Variants in NTN4 observed in about 807,000 individuals in gnomAD.
The protein encoded by NTN4 is netrin 4.
A neutral mutation model predicts 73.6 loss-of-function variants in NTN4; 32 were observed. That is an observed-to-expected ratio of 0.44 (90% confidence interval 0.33 to 0.58). NTN4 has a LOEUF of 0.58. Ranked by LOEUF, NTN4 falls within the 20% of genes least tolerant of loss-of-function variation. The pLI is 0.04. For missense variants in NTN4, 654 were observed against 798.3 expected (o/e 0.82, Z 2.18); for synonymous variants, 258 against 287.5 (o/e 0.90, Z 1.04).
At chr12:95,788,331 G>A (rs2079184240) in intron 1 of NTN4, among the ~76,000 whole-genome samples, 1 of 152,174 alleles carries the variant, frequency 6.6e-6, no homozygotes, top group Non-Finnish European at 1.5e-5. Flanking sequence ...TGAACTACAA[G>A]ACCTTCTTTA....
chr12:95,704,176 A>G (rs997961345), intron 5 of NTN4, among the ~76,000 whole-genome samples: 3 of 152,180 alleles, frequency 2.0e-5, no homozygotes, highest in African/African-American at 4.8e-5. Flanking sequence ...GATGATGCCA[A>G]TGCGGCTGGT....
intron 5 of NTN4, among the ~76,000 whole-genome samples, chr12:95,700,473 T>C (rs2078476218): frequency 6.6e-6 from 1 of 152,100 alleles, no homozygotes; most frequent in Admixed American, 6.5e-5. Flanking sequence ...TTTGAGTAAG[T>C]GCTCCCTGGT....
In NTN4 at chr12:95,665,869, C is replaced by T. The variant is rs267603725; in HGVS notation, c.1691G>A (p.Arg564Gln). 1.1e-5 allele frequency: 17 copies of T among 1,613,976 alleles called. No individual in the cohort carries two copies. The highest frequency in any genetic ancestry group is 9.9e-5 in the South Asian group (9 of 91,054). Residue 564 changes from arginine to glutamine, a missense_variant, in exon 9 of 10, where the codon CGA (arginine) becomes CAA (glutamine). By Grantham distance (43) the Arg-to-Gln change is conservative (BLOSUM62 1). Coordinates refer to ENST00000343702, the MANE Select transcript of NTN4 (RefSeq NM_021229.4). Reference sequence around the variant, plus strand: ...CGTCCATGATTCTGGATATAATGTTCGCTTTCCTCGGAAAATCTTCAGTTT... The same window carrying T: ...CGTCCATGATTCTGGATATAATGTTTGCTTTCCTCGGAAAATCTTCAGTTT... Reference protein sequence around the residue: ...STKLKIFRGKRTLYPESWTDR... With the variant: ...STKLKIFRGKQTLYPESWTDR...
intron 2 of NTN4, among the ~76,000 whole-genome samples, chr12:95,745,485 AATGGTC>A (rs2078855534): frequency 6.6e-6 from 1 of 152,148 alleles, no homozygotes; most frequent in Admixed American, 6.6e-5. Context: ...AATCTTCAAA[AATGGTC>A]ATTCAACTTT....
intron 3 of NTN4, among the ~76,000 whole-genome samples, chr12:95,723,322 G>A (rs530046187): frequency 2.6e-5 from 4 of 151,754 alleles, no homozygotes; most frequent in African/African-American, 7.2e-5. Flanking sequence ...GTGTGTTACC[G>A]CAGCACACCC....
chr12:95,765,839 C>T (rs531241528), intron 2 of NTN4, among the ~76,000 whole-genome samples: 2 of 152,140 alleles, frequency 1.3e-5, no homozygotes, highest in Admixed American at 6.5e-5. Flanking sequence ...AAGGAAGAAT[C>T]CAAGGCCCCT....
chr12:95,736,439 G>A lies in NTN4; in HGVS notation c.864+1427C>T, dbSNP rs111753733. On this transcript the variant is annotated intron_variant, in intron 3 of 9. Coordinates refer to ENST00000343702, the MANE Select transcript of NTN4 (RefSeq NM_021229.4). ...GCTTGGATTATAAGAGACAGTCGAG[G>A]AAACAAAAGATCTGCATGCTCTCCT... 4.7e-3 allele frequency among the ~76,000 whole-genome samples: 708 copies of A among 152,248 alleles called. 2 individuals carry two copies. The highest frequency in any genetic ancestry group is 7.2e-3 in the Non-Finnish European group (490 of 68,022).
Position 95,729,829 on chromosome 12 carries a change from C to T in NTN4, c.864+8037G>A, listed in dbSNP as rs181430563. 2.7e-3 allele frequency among the ~76,000 whole-genome samples: 418 copies of T among 152,186 alleles called. 2 individuals are homozygous for T. Among genetic ancestry groups the T allele is most frequent in the African/African-American group, 9.6e-3 (400 of 41,520 alleles). On this transcript the variant is annotated intron_variant, in intron 3 of 9. Coordinates refer to ENST00000343702, the MANE Select transcript of NTN4 (RefSeq NM_021229.4). ...AAATTGGCAAGACACAAATGAAATA[C>T]CATGGAGACACGATTTGTGCACCAG... is the stretch of plus-strand genomic sequence containing the variant.
intron 5 of NTN4, among the ~76,000 whole-genome samples, chr12:95,685,196 C>G (rs1244529063): frequency 6.6e-6 from 1 of 152,186 alleles, no homozygotes; most frequent in East Asian, 1.9e-4. Context: ...TCAATTTTTC[C>G]TGGATTAAAA....
At chr12:95,783,941 C>G (rs1043746624) in intron 2 of NTN4, among the ~76,000 whole-genome samples, 1 of 152,236 alleles carries the variant, frequency 6.6e-6, no homozygotes, top group Non-Finnish European at 1.5e-5. Flanking sequence ...ACATGAAGCT[C>G]CAGGCTCTCA....
At chr12:95,732,594 G>T (rs182325013) in intron 3 of NTN4, among the ~76,000 whole-genome samples, 26 of 151,790 alleles carry the variant, frequency 1.7e-4, no homozygotes, top group Admixed American at 1.6e-3. Context: ...GTAGAGACAG[G>T]GTTTTACCGT....
intron 7 of NTN4, among the ~76,000 whole-genome samples, chr12:95,682,057 C>CTTTTTTTTTGTTTTTTTTTTT (rs2078320643): frequency 1.5e-5 from 1 of 64,546 alleles, no homozygotes; most frequent in Non-Finnish European, 2.6e-5. Flanking sequence ...ATTCAGTAGG[C>CTTTTTTTTTGTTTTTTTTTTT]TTTTTTTTTT....
intron 2 of NTN4, among the ~76,000 whole-genome samples, chr12:95,744,149 G>A (rs1232374872): frequency 6.6e-6 from 1 of 152,014 alleles, no homozygotes; most frequent in African/African-American, 2.4e-5. Context: ...TGATCCACCT[G>A]CCTCAGCCTC....
chr12:95,786,513 T>A (rs564461041), intron 2 of NTN4, among the ~76,000 whole-genome samples: 57 of 152,234 alleles, frequency 3.7e-4, no homozygotes, highest in Admixed American at 2.6e-3. Context: ...AAACAGATTT[T>A]TTTTTCTTTC....
At chr12:95,668,372 G>T (rs2078199350) in intron 8 of NTN4, among the ~76,000 whole-genome samples, 1 of 152,160 alleles carries the variant, frequency 6.6e-6, no homozygotes, top group Non-Finnish European at 1.5e-5. Flanking sequence ...TATTTTCACT[G>T]AATGAACTGA....
intron 2 of NTN4, among the ~76,000 whole-genome samples, chr12:95,751,751 TA>T (rs1370980970): frequency 6.7e-6 from 1 of 149,180 alleles, no homozygotes; most frequent in Non-Finnish European, 1.5e-5. Flanking sequence ...TCTTAATCTA[TA>T]CGGAGGCTAC....
chr12:95,707,553 C>T (rs1228270349), intron 5 of NTN4, among the ~76,000 whole-genome samples: 1 of 152,148 alleles, frequency 6.6e-6, no homozygotes, highest in Non-Finnish European at 1.5e-5. Context: ...GATCCCTTCC[C>T]TCTTGTTTTA....
At chr12:95,697,160 C>T (rs2078448527) in intron 5 of NTN4, among the ~76,000 whole-genome samples, 1 of 146,770 alleles carries the variant, frequency 6.8e-6, no homozygotes, top group East Asian at 2.0e-4. Flanking sequence ...GCCTGGGTGA[C>T]AGAGCAAAAA....
intron 2 of NTN4, among the ~76,000 whole-genome samples, chr12:95,779,935 C>A (rs1447599572): frequency 6.6e-6 from 1 of 152,212 alleles, no homozygotes; most frequent in African/African-American, 2.4e-5. Flanking sequence ...CAGCATGGTA[C>A]TGGTACCAAA....
Sources: gnomAD v4.1 joint callset for allele counts (sites outside exome capture counted in the v4.1 genomes callset) on GRCh38, gnomAD v4.1.1 for gene constraint, MANE v1.5 for transcripts, NCBI Gene and HGNC (gene_info 2026-07-23, HGNC 2026-07-21) for gene names.